Variants in SLC7A14 observed in about 807,000 individuals in gnomAD.
The protein encoded by SLC7A14 is gamma-aminobutyric acid transporter SLC7A14.
In SLC7A14, 37 loss-of-function variants were observed where a neutral mutation model predicts 60.2. The ratio of observed to expected loss-of-function variants is 0.61; its 90% CI spans 0.47 to 0.81. The LOEUF (loss-of-function observed/expected upper bound fraction) is 0.81, where lower values mean the gene tolerates loss of function less well. SLC7A14 is among the 30% of genes least tolerant of loss of function. SLC7A14 has a pLI of 0.00. For synonymous variants in SLC7A14, 399 were observed against 395.8 expected (o/e 1.01, Z -0.10); for missense variants, 886 against 982.7 (o/e 0.90, Z 1.32).
intron 4 of SLC7A14, among the ~76,000 whole-genome samples, chr3:170,490,614 A>T (rs1347143443): frequency 1.3e-5 from 2 of 152,322 alleles, no homozygotes; most frequent in South Asian, 2.1e-4. Context: ...CAGTACCGGC[A>T]GTTGGAGTCA....
rs961515847 is a variant in SLC7A14, at chr3:170,461,567, C to T, written c.*5488G>A. ...GTACATGAAAGGGGCTTTTTGCTAC[C>T]CATCCCCATTCCCAGCGAGAAATAC... On this transcript the variant is annotated 3_prime_UTR_variant, in exon 8 of 8. Transcript: ENST00000231706. 4.6e-5 allele frequency: 7 copies of T among 152,218 alleles called. No individual in the cohort carries two copies. Among genetic ancestry groups the T allele is most frequent in the Admixed American group, 2.6e-4 (4 of 15,284 alleles). 9.4% of individuals were successfully genotyped at this position (152,218 alleles called of 1,614,324 possible).
chr3:170,537,403 TCTTAA>T (rs72256515), intron 1 of SLC7A14, among the ~76,000 whole-genome samples: 3,862 of 152,278 alleles, frequency 0.025, 177 homozygotes, highest in African/African-American at 0.089. Context: ...ATCTCAAGAT[TCTTAA>T]CTTAATCACC....
intron 1 of SLC7A14, among the ~76,000 whole-genome samples, chr3:170,584,271 A>G (rs377644730): frequency 1.1e-4 from 16 of 152,348 alleles, no homozygotes; most frequent in African/African-American, 3.8e-4. Flanking sequence ...TGTAAATAAC[A>G]TGCAGTGGGG....
At chr3:170,486,602 G>A (rs1026759399) in intron 4 of SLC7A14, among the ~76,000 whole-genome samples, 2 of 152,164 alleles carry the variant, frequency 1.3e-5, no homozygotes, top group African/African-American at 2.4e-5. Context: ...GGCCGGGTGC[G>A]ATGGCTCATG....
intron 4 of SLC7A14, among the ~76,000 whole-genome samples, chr3:170,489,758 A>G (rs971381166): frequency 1.3e-5 from 2 of 152,262 alleles, no homozygotes; most frequent in Non-Finnish European, 2.9e-5. Flanking sequence ...CTATGCAGCC[A>G]TAAAAAAGAA....
chr3:170,496,938 G>C (rs1192972075), intron 4 of SLC7A14, among the ~76,000 whole-genome samples: 2 of 152,112 alleles, frequency 1.3e-5, no homozygotes, highest in African/African-American at 2.4e-5. Context: ...CCCAGAGCCC[G>C]GGAGGGAGGC....
chr3:170,547,727 ATTATT>A (rs1411550928), intron 1 of SLC7A14, among the ~76,000 whole-genome samples: 1 of 152,204 alleles, frequency 6.6e-6, no homozygotes, highest in East Asian at 1.9e-4. Context: ...AAACTGAGAT[ATTATT>A]TTATGACCTT....
chr3:170,517,721 C>T (rs1174202331), intron 2 of SLC7A14, among the ~76,000 whole-genome samples: 1 of 152,164 alleles, frequency 6.6e-6, no homozygotes, highest in Non-Finnish European at 1.5e-5. Context: ...GACATCTGCT[C>T]AACAGAGCTC....
chr3:170,548,710 C>T (rs1030676852), intron 1 of SLC7A14, among the ~76,000 whole-genome samples: 8 of 152,128 alleles, frequency 5.3e-5, no homozygotes, highest in African/African-American at 9.7e-5. Context: ...TAAAGAAAAC[C>T]GTTAGACCAT....
At chr3:170,507,832 A>G (rs1712828894) in intron 2 of SLC7A14, among the ~76,000 whole-genome samples, 1 of 152,200 alleles carries the variant, frequency 6.6e-6, no homozygotes, top group Non-Finnish European at 1.5e-5. Context: ...GAAGGGTGGG[A>G]GAACCGAGGC....
intron 1 of SLC7A14, among the ~76,000 whole-genome samples, chr3:170,555,369 A>G (rs373513110): frequency 6.6e-6 from 1 of 152,242 alleles, no homozygotes; most frequent in Non-Finnish European, 1.5e-5. Context: ...CTGTATATAC[A>G]ATATTGTATC....
At chr3:170,485,293 G>T (rs958656973) in intron 5 of SLC7A14, among the ~76,000 whole-genome samples, 1 of 152,204 alleles carries the variant, frequency 6.6e-6, no homozygotes, top group Non-Finnish European at 1.5e-5. Context: ...CCTGTTTGCA[G>T]CTTGCCTTAA....
intron 1 of SLC7A14, among the ~76,000 whole-genome samples, chr3:170,533,291 A>G (rs57509742): frequency 6.6e-6 from 1 of 152,308 alleles, no homozygotes; most frequent in African/African-American, 2.4e-5. Context: ...ATGCGTCTTA[A>G]TCTCAGGGTC....
chr3:170,544,277 G>A (rs1489709600), intron 1 of SLC7A14, among the ~76,000 whole-genome samples: 1 of 151,900 alleles, frequency 6.6e-6, no homozygotes, highest in Non-Finnish European at 1.5e-5. Flanking sequence ...GACTGAAAGA[G>A]CCTCATTTTT....
intron 2 of SLC7A14, 98 bp downstream of exon 2, chr3:170,526,535 A>G: frequency 6.9e-6 from 10 of 1,448,460 alleles, no homozygotes; most frequent in Non-Finnish European, 9.3e-6. Flanking sequence ...CTGCCACTTC[A>G]TACATCTCAC....
intron 1 of SLC7A14, among the ~76,000 whole-genome samples, chr3:170,569,585 G>A (rs1187240222): frequency 1.3e-5 from 2 of 152,150 alleles, no homozygotes; most frequent in Non-Finnish European, 2.9e-5. Flanking sequence ...CAGAAGGAAT[G>A]GTACCAGTTC....
At chr3:170,468,662 C>T (rs1577489668) in intron 7 of SLC7A14, among the ~76,000 whole-genome samples, 1 of 152,174 alleles carries the variant, frequency 6.6e-6, no homozygotes, top group Non-Finnish European at 1.5e-5. Context: ...GGAACCATAA[C>T]CTTGGAGTCC....
chr3:170,515,546 G>A (rs1221052279), intron 2 of SLC7A14, among the ~76,000 whole-genome samples: 1 of 151,836 alleles, frequency 6.6e-6, no homozygotes, highest in African/African-American at 2.4e-5. Flanking sequence ...GACAAAGCAG[G>A]GCTTGAACTG....
intron 3 of SLC7A14, among the ~76,000 whole-genome samples, chr3:170,500,706 T>C (rs184552286): frequency 6.6e-6 from 1 of 152,222 alleles, no homozygotes; most frequent in African/African-American, 2.4e-5. Flanking sequence ...GTTATTGACA[T>C]GTGCCTGTAT....
Sources: allele counts gnomAD v4.1 joint callset (sites outside exome capture counted in the v4.1 genomes callset), GRCh38; gene constraint gnomAD v4.1.1; transcripts MANE v1.5; gene names NCBI Gene and HGNC (gene_info 2026-07-23, HGNC 2026-07-21).